Variants in LRP1B observed in about 807,000 individuals in gnomAD.
LRP1B encodes the protein low-density lipoprotein receptor-related protein 1B.
LRP1B carries 217 observed loss-of-function variants against 556.6 expected under a neutral mutation model. That is an observed-to-expected ratio of 0.39 (90% CI 0.35 to 0.44). The LOEUF (loss-of-function observed/expected upper bound fraction) is 0.44. LRP1B is among the 20% of genes least tolerant of loss of function. The pLI is 1.00. For synonymous variants in LRP1B, 2,047 were observed against 1,865.8 expected, an observed-to-expected ratio of 1.10 and a Z score of -2.50; for missense variants, 5,053 against 5,620.8, an observed-to-expected ratio of 0.90 and a Z score of 3.23.
chr2:140,933,419 A>C (rs892460179), intron 20 of LRP1B, among the ~76,000 whole-genome samples: 4 of 152,028 alleles, frequency 2.6e-5, no homozygotes, highest in African/African-American at 9.7e-5. Context: ...TTTTGTCTCC[A>C]TGTTGTTTAT....
chr2:141,166,116 C>T (rs1680242802), intron 7 of LRP1B, among the ~76,000 whole-genome samples: 1 of 151,774 alleles, frequency 6.6e-6, no homozygotes, highest in Admixed American at 6.6e-5. Flanking sequence ...ACCATAACAC[C>T]CCTTTCTATC....
intron 7 of LRP1B, among the ~76,000 whole-genome samples, chr2:141,151,393 TC>T (rs1414168511): frequency 6.6e-6 from 1 of 152,154 alleles, no homozygotes; most frequent in Non-Finnish European, 1.5e-5. Context: ...AAGCAGGACT[TC>T]CTAATGAACA....
intron 33 of LRP1B, among the ~76,000 whole-genome samples, chr2:140,772,717 G>A (rs1439035509): frequency 2.0e-5 from 3 of 152,154 alleles, no homozygotes; most frequent in Non-Finnish European, 4.4e-5. Context: ...AGATGTAGAT[G>A]TATTTCAACT....
chr2:140,415,671 A>G (rs558951254), intron 66 of LRP1B, among the ~76,000 whole-genome samples: 1 of 152,248 alleles, frequency 6.6e-6, no homozygotes, highest in Admixed American at 6.5e-5. Flanking sequence ...TTCCTCACCT[A>G]CCATAGTTTC....
chr2:141,687,594 T>C (rs1470902162), intron 2 of LRP1B, among the ~76,000 whole-genome samples: 2 of 152,008 alleles, frequency 1.3e-5, no homozygotes, highest in African/African-American at 2.4e-5. Flanking sequence ...TTGGTTTTTA[T>C]TAAGATAGAG....
chr2:141,378,579 T>C lies in LRP1B; in HGVS notation c.343+101817A>G, dbSNP rs181591132. ...TACTCAGGAAGCTGAGGCAGGATAA[T>C]TGCTTCAGCCCAGGAGTTTGAGGCT... On this transcript the variant is annotated intron_variant, in intron 3 of 90. Coordinates refer to ENST00000389484, the MANE Select transcript of LRP1B (RefSeq NM_018557.3). 1.8e-4 allele frequency among the ~76,000 whole-genome samples: 27 copies of C among 152,176 alleles called. No individual in the cohort carries two copies. The East Asian group carries it at 2.7e-3, about 15-fold the overall frequency.
intron 1 of LRP1B, among the ~76,000 whole-genome samples, chr2:142,105,292 T>G (rs1030988313): frequency 6.6e-6 from 1 of 152,228 alleles, no homozygotes; most frequent in African/African-American, 2.4e-5. Flanking sequence ...AAGGTCATTC[T>G]AATTTCAGGG....
chr2:141,164,031 C>T (rs1028019646), intron 7 of LRP1B, among the ~76,000 whole-genome samples: 11 of 151,982 alleles, frequency 7.2e-5, no homozygotes, highest in Non-Finnish European at 1.3e-4. Flanking sequence ...CATTAACTTA[C>T]ATTGTATTAA....
At chr2:140,702,112 A>T (rs765640333) in intron 39 of LRP1B, 29 bp downstream of exon 39, 2 of 1,604,438 alleles carry the variant, frequency 1.2e-6, no homozygotes, top group African/African-American at 1.3e-5. Flanking sequence ...ACATTTTGAG[A>T]CTCAAATACT....
chr2:141,152,036 C>A (rs998358886), intron 7 of LRP1B, among the ~76,000 whole-genome samples: 2 of 151,986 alleles, frequency 1.3e-5, no homozygotes, highest in African/African-American at 2.4e-5. Context: ...AAATGTTGAT[C>A]TGTCTGAATG....
chr2:140,419,713 A>G (rs1473152697), intron 66 of LRP1B, among the ~76,000 whole-genome samples: 1 of 152,204 alleles, frequency 6.6e-6, no homozygotes, highest in Non-Finnish European at 1.5e-5. Flanking sequence ...AGGATAAACA[A>G]AAAGTGAAGT....
At chr2:141,906,866 A>G (rs1379647810) in intron 1 of LRP1B, among the ~76,000 whole-genome samples, 2 of 152,058 alleles carry the variant, frequency 1.3e-5, no homozygotes, top group African/African-American at 2.4e-5. Flanking sequence ...TCGTTAGAAC[A>G]TGCCCAGTGG....
intron 2 of LRP1B, among the ~76,000 whole-genome samples, chr2:141,557,989 A>G (rs1234567110): frequency 6.6e-6 from 1 of 151,902 alleles, no homozygotes; most frequent in African/African-American, 2.4e-5. Context: ...CTCTCTGCCC[A>G]TGGCCTGCAA....
chr2:141,425,147 T>A (rs1029671380), intron 3 of LRP1B, among the ~76,000 whole-genome samples: 7 of 151,426 alleles, frequency 4.6e-5, no homozygotes, highest in Middle Eastern at 3.4e-3. Context: ...TCAGTTCCCA[T>A]CTATGAGTGA....
intron 41 of LRP1B, among the ~76,000 whole-genome samples, chr2:140,664,760 G>A (rs537024472): frequency 2.1e-4 from 32 of 151,772 alleles, no homozygotes; most frequent in African/African-American, 7.2e-4. Flanking sequence ...TATATCCAAC[G>A]TTCTTAAGTG....
chr2:140,765,802 T>G (rs184564658), intron 35 of LRP1B, among the ~76,000 whole-genome samples: 2 of 152,166 alleles, frequency 1.3e-5, no homozygotes, highest in African/African-American at 4.8e-5. Flanking sequence ...AATATCATGG[T>G]AATGAAATAG....
chr2:140,914,779 G>A (rs1365690960), intron 21 of LRP1B, among the ~76,000 whole-genome samples: 2 of 152,160 alleles, frequency 1.3e-5, no homozygotes, highest in Non-Finnish European at 2.9e-5. Flanking sequence ...ACAATCCAAT[G>A]TGAGAATTCA....
Position 140,852,730 on chromosome 2 carries a change from GA to G in LRP1B, c.4580-948del, listed in dbSNP as rs997539407. Among the ~76,000 whole-genome samples, 86 of 152,268 alleles carry G rather than the reference GA, an allele frequency of 5.6e-4. 1 individual carries two copies. Among genetic ancestry groups the G allele is most frequent in the African/African-American group, 2.0e-3 (83 of 41,544 alleles). ...CAATTCCCTTGTATAAATGACTTATGATTTTTCAAATTGAGAACAGAATATT... is the reference window on the plus strand; with the variant it reads ...CAATTCCCTTGTATAAATGACTTATGTTTTTCAAATTGAGAACAGAATATT... On this transcript the variant is annotated intron_variant, in intron 27 of 90. Coordinates refer to ENST00000389484, the MANE Select transcript of LRP1B (RefSeq NM_018557.3).
At chr2:142,063,906 T>C (rs1261531446) in intron 1 of LRP1B, among the ~76,000 whole-genome samples, 1 of 151,582 alleles carries the variant, frequency 6.6e-6, no homozygotes, top group South Asian at 2.1e-4. Context: ...TCAGTACACA[T>C]ATACATCAAT....
Sources: allele counts gnomAD v4.1 joint callset (sites outside exome capture counted in the v4.1 genomes callset), GRCh38; gene constraint gnomAD v4.1.1; transcripts MANE v1.5; gene names NCBI Gene and HGNC (gene_info 2026-07-23, HGNC 2026-07-21).